Variants in IQSEC2 observed in about 807,000 individuals in gnomAD.
The protein encoded by IQSEC2 is IQ motif and Sec7 domain ArfGEF 2.
A neutral mutation model predicts 74.6 loss-of-function variants in IQSEC2; 6 were observed. That is an observed-to-expected ratio of 0.08 (90% CI 0.04 to 0.16). The LOEUF is 0.16. IQSEC2 is among the 10% of genes least tolerant of loss of function. IQSEC2 has a pLI of 1.00. For synonymous variants in IQSEC2, 494 were observed against 544.5 expected (o/e 0.91, Z 1.29); for missense variants, 734 against 1,306.2 (o/e 0.56, Z 6.75).
At chrX:53,241,383 T>C (rs1474062921) in intron 10 of IQSEC2, among the ~76,000 whole-genome samples, 2 of 111,737 alleles carry the variant, frequency 1.8e-5, no homozygotes, top group Admixed American at 9.5e-5. Context: ...TCTGGGACTA[T>C]AGGTGTGAGC....
chrX:53,313,777 T>A (rs1489182895), intron 1 of IQSEC2, among the ~76,000 whole-genome samples: 1 of 111,740 alleles, frequency 8.9e-6, no homozygotes, highest in Non-Finnish European at 1.9e-5. Context: ...CTTTGCTCCT[T>A]TCAGAACAGA....
At chrX:53,277,248 G>A (rs1029338185) in intron 2 of IQSEC2, among the ~76,000 whole-genome samples, 103 of 109,651 alleles carry the variant, frequency 9.4e-4, no homozygotes, top group African/African-American at 3.2e-3. Flanking sequence ...GTCTCACACC[G>A]TTGCCCTGGC....
rs782118127 is a variant in IQSEC2 at position 53,261,894 on chromosome X, C to T, written c.738-5833G>A. Among the ~76,000 whole-genome samples the T allele has an allele frequency of 2.7e-5, 3 of 112,274 alleles. No homozygotes were observed. In the East Asian group the frequency reaches 8.4e-4, roughly 31 times the overall value. On this transcript the variant is annotated intron_variant, in intron 2 of 14. Coordinates refer to ENST00000642864, the MANE Select transcript of IQSEC2 (RefSeq NM_001111125.3). ...TGAGCAGAATAAAAATAAACTCGCA[C>T]TTACTGCGCACCTTCCCTGTGTCAG...
At chrX:53,317,628 G>A (rs782053878) in intron 1 of IQSEC2, among the ~76,000 whole-genome samples, 6 of 111,853 alleles carry the variant, frequency 5.4e-5, no homozygotes, top group Admixed American at 9.4e-5. Flanking sequence ...GCTGCAGCTC[G>A]GCCCAGGCAC....
chrX:53,306,148 C>T (rs1378592803), intron 1 of IQSEC2, among the ~76,000 whole-genome samples: 5 of 111,797 alleles, frequency 4.5e-5, no homozygotes, highest in Non-Finnish European at 1.9e-5. Context: ...TTGCAGAAGC[C>T]TCAGCTCAGC....
Position 53,250,296 on chromosome X carries a change from G to A in IQSEC2, c.2280C>T (p.Gly760=). 1 of 1,211,223 alleles carries A rather than the reference G, an allele frequency of 8.3e-7. No individual in the cohort carries two copies. Among genetic ancestry groups the A allele is most frequent in the Non-Finnish European group, 1.1e-6 (1 of 895,488 alleles). ...DVVQRRHYRI[G]LNLFNKKPEK... is the part of the protein sequence containing the mutation. ...GCACGCACTTGTTGAAGAGGTTGAG[G>A]CCGATTCGGTAGTGCCGCCTCTGGA... The change falls in exon 5 of 15, where the codon GGC becomes GGT. Residue 760 remains glycine (G), a synonymous_variant. Coordinates refer to ENST00000642864, the MANE Select transcript of IQSEC2 (RefSeq NM_001111125.3).
intron 2 of IQSEC2, among the ~76,000 whole-genome samples, chrX:53,266,125 G>A (rs896999504): frequency 1.8e-5 from 2 of 111,862 alleles, no homozygotes; most frequent in African/African-American, 6.5e-5. Context: ...AAGAGGTCAT[G>A]CGACACATCC....
chrX:53,251,259 G>A (rs1556863603), intron 4 of IQSEC2, 85 bp from the exon 5 acceptor site: 1 of 1,022,129 alleles, frequency 9.8e-7, no homozygotes, highest in Non-Finnish European at 1.3e-6. Context: ...GGGAATGAGG[G>A]AGGGAGGTAA....
downstream of IQSEC2, chrX:53,227,724 A>G: frequency 4.1e-6 from 1 of 242,805 alleles, no homozygotes. Context: ...CTTAGGCCGA[A>G]GGAAGTTCAG....
intron 10 of IQSEC2, among the ~76,000 whole-genome samples, chrX:53,241,243 C>G (rs916108884): frequency 9.0e-6 from 1 of 111,076 alleles, no homozygotes; most frequent in Non-Finnish European, 1.9e-5. Flanking sequence ...GTAGCTGGGA[C>G]TACAGGTGCA....
chrX:53,310,285 G>A (rs1351565762), intron 1 of IQSEC2, among the ~76,000 whole-genome samples: 7 of 110,605 alleles, frequency 6.3e-5, no homozygotes, highest in African/African-American at 2.3e-4. Flanking sequence ...TTGGGAGGCT[G>A]AGGTAGGAGG....
chrX:53,286,951 A>AG (rs374692937), intron 2 of IQSEC2, among the ~76,000 whole-genome samples: 6,334 of 105,992 alleles, frequency 0.06, 582 homozygotes, highest in African/African-American at 0.21. Flanking sequence ...AAAAAAAAAA[A>AG]AAAAAAGAAA....
intron 1 of IQSEC2, among the ~76,000 whole-genome samples, chrX:53,304,142 A>C (rs1363262647): frequency 1.8e-5 from 2 of 111,154 alleles, no homozygotes; most frequent in African/African-American, 6.6e-5. Context: ...CTCAAAAAAA[A>C]AAAAAAGGAA....
chrX:53,239,519 A>G (rs1414207887), intron 10 of IQSEC2: 1 of 372,152 alleles, frequency 2.7e-6, no homozygotes, highest in African/African-American at 2.6e-5. Context: ...ACAGACATTT[A>G]CCACATTTCC....
intron 2 of IQSEC2, among the ~76,000 whole-genome samples, chrX:53,285,040 T>TTAG (rs1231048493): frequency 8.9e-6 from 1 of 112,179 alleles, no homozygotes; most frequent in African/African-American, 3.2e-5. Flanking sequence ...AGATACTCCT[T>TTAG]TAGTTCTTCA....
intron 1 of IQSEC2, among the ~76,000 whole-genome samples, chrX:53,308,978 C>A (rs896897289): frequency 8.3e-5 from 9 of 108,325 alleles, no homozygotes; most frequent in Non-Finnish European, 1.5e-4. Context: ...GTGGCATGCA[C>A]CTGTGGTCCT....
At chrX:53,230,137 G>A (rs1166716272), downstream of IQSEC2, 1 of 112,271 alleles carries the variant, frequency 8.9e-6, no homozygotes, top group African/African-American at 3.2e-5. Flanking sequence ...TTCTCTATCA[G>A]GCTAAGTCCT....
chrX:53,265,350 T>C (rs945142034), intron 2 of IQSEC2, among the ~76,000 whole-genome samples: 1 of 110,668 alleles, frequency 9.0e-6, no homozygotes, highest in African/African-American at 3.3e-5. Flanking sequence ...AACTCTCACC[T>C]GGGCCTTAAT....
intron 2 of IQSEC2, among the ~76,000 whole-genome samples, chrX:53,274,104 T>C (rs782722334): frequency 4.5e-5 from 5 of 112,353 alleles, no homozygotes; most frequent in African/African-American, 9.7e-5. Flanking sequence ...CATGCACCTT[T>C]TAGTTAAGAG....
Sources: gnomAD v4.1 joint callset for allele counts (sites outside exome capture counted in the v4.1 genomes callset) on GRCh38, gnomAD v4.1.1 for gene constraint, MANE v1.5 for transcripts, NCBI Gene and HGNC (gene_info 2026-07-23, HGNC 2026-07-21) for gene names.